ROBO2: variants seen among roughly 807,000 people sequenced by gnomAD.
The protein encoded by ROBO2 is roundabout guidance receptor 2.
ROBO2 carries 53 observed loss-of-function variants against 160.8 expected under a neutral mutation model. The ratio of observed to expected loss-of-function variants is 0.33; its 90% CI spans 0.26 to 0.41. The LOEUF (loss-of-function observed/expected upper bound fraction) is 0.41. Among genes scored for constraint, ROBO2 ranks in the 10% least tolerant of loss-of-function variants. The pLI, the probability that ROBO2 is intolerant of heterozygous loss-of-function variation, is 1.00. For missense variants in ROBO2, 1,577 were observed against 1,722.4 expected, an observed-to-expected ratio of 0.92 and a Z score of 1.49; for synonymous variants, 664 against 611.7, an observed-to-expected ratio of 1.09 and a Z score of -1.26.
chr3:76,696,669 T>C (rs2092934769), intron 2 of ROBO2, among the ~76,000 whole-genome samples: 1 of 152,218 alleles, frequency 6.6e-6, no homozygotes, highest in African/African-American at 2.4e-5. Flanking sequence ...TAACTTCTTG[T>C]TTGTGCATCT....
At chr3:77,477,983 C>T (rs13066336) in intron 3 of ROBO2, among the ~76,000 whole-genome samples, 78,155 of 151,566 alleles carry the variant, frequency 0.52, 20,547 homozygotes, top group Admixed American at 0.63. Context: ...TGCGCCACCA[C>T]GCCCAGCTAT....
rs539508375 is a variant in ROBO2, at chr3:76,244,830, A to G, written c.109+307228A>G. Among the ~76,000 whole-genome samples, 44 of 152,308 alleles carry G rather than the reference A, an allele frequency of 2.9e-4. No individual in the cohort carries two copies. In the South Asian group the frequency reaches 4.1e-3, roughly 14 times the overall value. Reference sequence around the variant, plus strand: ...CAAAATGCTATAAAAAATTCAAAATATGAATAAAAGTAACTATTCAGACCC... The same window carrying G: ...CAAAATGCTATAAAAAATTCAAAATGTGAATAAAAGTAACTATTCAGACCC... On this transcript the variant is annotated intron_variant, in intron 2 of 26. Coordinates refer to the ROBO2 transcript ENST00000487694.
chr3:76,182,128 C>T (rs897233460), intron 2 of ROBO2, among the ~76,000 whole-genome samples: 10 of 152,208 alleles, frequency 6.6e-5, no homozygotes, highest in Admixed American at 2.0e-4. Context: ...AGCCTAGACG[C>T]TGAATTAATA....
At chr3:76,094,134 T>TCACA (rs59815528) in intron 2 of ROBO2, among the ~76,000 whole-genome samples, 34 of 148,608 alleles carry the variant, frequency 2.3e-4, no homozygotes, top group African/African-American at 6.1e-4. Flanking sequence ...ACACTCGCAC[T>TCACA]CACACACACA....
intron 2 of ROBO2, among the ~76,000 whole-genome samples, chr3:76,007,254 A>G (rs568665013): frequency 6.6e-6 from 1 of 152,256 alleles, no homozygotes; most frequent in East Asian, 1.9e-4. Flanking sequence ...GCACAGCTTG[A>G]GAAAATGTTT....
At chr3:77,368,896 T>C (rs540502853) in intron 2 of ROBO2, among the ~76,000 whole-genome samples, 1 of 152,330 alleles carries the variant, frequency 6.6e-6, no homozygotes, top group South Asian at 2.1e-4. Context: ...TAGTATAACC[T>C]TTAGTCAGTG....
intron 2 of ROBO2, among the ~76,000 whole-genome samples, chr3:76,944,104 TAA>T (rs1303528782): frequency 6.6e-6 from 1 of 152,320 alleles, no homozygotes; most frequent in South Asian, 2.1e-4. Context: ...ATTTAACTGT[TAA>T]AGACTTTTTC....
At chr3:76,146,377 A>T (rs1466356886) in intron 2 of ROBO2, among the ~76,000 whole-genome samples, 1 of 151,832 alleles carries the variant, frequency 6.6e-6, no homozygotes, top group African/African-American at 2.4e-5. Flanking sequence ...GTTATCAGCA[A>T]AGTCCCCTAT....
chr3:76,893,115 G>A (rs970942331), intron 2 of ROBO2, among the ~76,000 whole-genome samples: 5 of 152,040 alleles, frequency 3.3e-5, no homozygotes, highest in Non-Finnish European at 5.9e-5. Flanking sequence ...AATTAAAAAT[G>A]TTGGCTGCCT....
chr3:76,517,445 T>C (rs1243885424), intron 2 of ROBO2, among the ~76,000 whole-genome samples: 3 of 152,204 alleles, frequency 2.0e-5, no homozygotes, highest in African/African-American at 4.8e-5. Context: ...ATTTTTCTCT[T>C]CATCTTCCAG....
intron 2 of ROBO2, among the ~76,000 whole-genome samples, chr3:76,928,574 G>A (rs531208479): frequency 6.6e-6 from 1 of 151,306 alleles, no homozygotes; most frequent in Non-Finnish European, 1.5e-5. Context: ...CAATGTCTAT[G>A]GGTGATTTCT....
chr3:76,438,247 T>C (rs1045227232), intron 2 of ROBO2, among the ~76,000 whole-genome samples: 1 of 152,160 alleles, frequency 6.6e-6, no homozygotes, highest in Non-Finnish European at 1.5e-5. Context: ...TTATCTAAAA[T>C]ATGCCATCCT....
At chr3:76,902,480 A>G (rs1331879688) in intron 2 of ROBO2, among the ~76,000 whole-genome samples, 1 of 152,098 alleles carries the variant, frequency 6.6e-6, no homozygotes, top group Non-Finnish European at 1.5e-5. Flanking sequence ...AAAATATCAG[A>G]TGTGGTTTAA....
At chr3:76,692,899 C>A (rs35688944) in intron 2 of ROBO2, among the ~76,000 whole-genome samples, 89,727 of 150,496 alleles carry the variant, frequency 0.6, 27,370 homozygotes, top group East Asian at 0.9. Flanking sequence ...CTCTCTCTCT[C>A]TATATATATA....
chr3:77,465,523 T>C (rs2153575551), intron 2 of ROBO2, among the ~76,000 whole-genome samples: 1 of 152,294 alleles, frequency 6.6e-6, no homozygotes, highest in South Asian at 2.1e-4. Flanking sequence ...ACTATTTGTT[T>C]TCTTACTGCT....
intron 2 of ROBO2, among the ~76,000 whole-genome samples, chr3:77,164,119 G>C (rs1031647440): frequency 6.6e-6 from 1 of 152,190 alleles, no homozygotes; most frequent in African/African-American, 2.4e-5. Flanking sequence ...TTTGCAAGAT[G>C]TAACCATTGG....
intron 2 of ROBO2, among the ~76,000 whole-genome samples, chr3:76,942,129 A>G (rs2078227436): frequency 1.3e-5 from 2 of 152,224 alleles, no homozygotes; most frequent in African/African-American, 2.4e-5. Flanking sequence ...TTAGATTATT[A>G]TATAGAAAAT....
chr3:76,051,636 T>C (rs2067656626), intron 2 of ROBO2, among the ~76,000 whole-genome samples: 1 of 152,106 alleles, frequency 6.6e-6, no homozygotes, highest in South Asian at 2.1e-4. Flanking sequence ...AAATAATACA[T>C]ATTTGCTACC....
At chr3:76,399,286 T>A (rs904413783) in intron 2 of ROBO2, among the ~76,000 whole-genome samples, 1 of 93,884 alleles carries the variant, frequency 1.1e-5, no homozygotes, top group Non-Finnish European at 2.1e-5. Flanking sequence ...GTGCCAGATG[T>A]TTTTTGTTAG....
Sources: allele counts gnomAD v4.1 joint callset (sites outside exome capture counted in the v4.1 genomes callset), GRCh38; gene constraint gnomAD v4.1.1; transcripts MANE v1.5; gene names NCBI Gene and HGNC (gene_info 2026-07-23, HGNC 2026-07-21).